COL22A1: variants seen among roughly 807,000 people sequenced by gnomAD.
The protein encoded by COL22A1 is collagen type XXII alpha 1 chain, also known as collagen alpha-1(XXII) chain.
COL22A1 carries 221 observed loss-of-function variants against 248.9 expected under a neutral mutation model. That is an observed-to-expected ratio of 0.89 (90% CI 0.80 to 0.99). The LOEUF is 0.99. COL22A1 is among the 50% of genes least tolerant of loss of function. The pLI is 0.00. For missense variants in COL22A1, 2,240 were observed against 2,179.0 expected (o/e 1.03, Z -0.56); for synonymous variants, 891 against 793.4 (o/e 1.12, Z -2.07).
chr8:138,849,926 T>C (rs1283411258), intron 3 of COL22A1, among the ~76,000 whole-genome samples: 1 of 152,200 alleles, frequency 6.6e-6, no homozygotes, highest in Non-Finnish European at 1.5e-5. Flanking sequence ...TCGCTGTGTG[T>C]AATGTCAGCA....
At chr8:138,865,932 T>C (rs963587379) in intron 3 of COL22A1, among the ~76,000 whole-genome samples, 3 of 151,186 alleles carry the variant, frequency 2.0e-5, no homozygotes, top group Non-Finnish European at 2.9e-5. Context: ...TATATGTGTG[T>C]GTATGTTTGT....
intron 37 of COL22A1, among the ~76,000 whole-genome samples, chr8:138,686,157 GT>G (rs898191910): frequency 6.6e-6 from 1 of 152,182 alleles, no homozygotes; most frequent in Middle Eastern, 3.2e-3. Flanking sequence ...TTACAGTTAG[GT>G]TTTCAACTAT....
chr8:138,870,852 G>A (rs1586931038), intron 3 of COL22A1, among the ~76,000 whole-genome samples: 1 of 151,674 alleles, frequency 6.6e-6, no homozygotes, highest in East Asian at 1.9e-4. Flanking sequence ...TGTATGTGAG[G>A]GTGTGGTTTG....
At chr8:138,798,454 G>A (rs1816737458) in intron 11 of COL22A1, among the ~76,000 whole-genome samples, 1 of 151,646 alleles carries the variant, frequency 6.6e-6, no homozygotes, top group South Asian at 2.1e-4. Context: ...TTTCTTAGAG[G>A]GTGCTCTAGA....
At chr8:138,800,417 T>G (rs28684932) in intron 11 of COL22A1, among the ~76,000 whole-genome samples, 9 of 152,186 alleles carry the variant, frequency 5.9e-5, no homozygotes, top group South Asian at 2.1e-4. Context: ...ATTATCTTTT[T>G]GGGGGGAGTA....
Position 138,878,117 on chromosome 8 carries a change from C to T in COL22A1, c.291G>A (p.Ser97=), listed in dbSNP as rs372772795. The change falls in exon 3 of 65, where the codon TCG becomes TCA. Residue 97 remains serine, a synonymous_variant. Coordinates refer to ENST00000303045, the MANE Select transcript of COL22A1 (RefSeq NM_152888.3). ...TTAFELGLFG[S]QEEVKAAARR... is the part of the protein sequence containing the mutation. ...GGGCAGCCGCCTTGACCTCCTCCTG[C>T]GAGCCAAAGAGTCCCAACTCGAAGG... 1,772 of 1,604,500 alleles carry T rather than the reference C, an allele frequency of 1.1e-3. 1 individual carries two copies. Among genetic ancestry groups the T allele is most frequent in the Non-Finnish European group, 1.4e-3 (1,681 of 1,176,378 alleles).
At chr8:138,763,278 T>C (rs1833646039) in intron 16 of COL22A1, among the ~76,000 whole-genome samples, 2 of 152,118 alleles carry the variant, frequency 1.3e-5, no homozygotes, top group East Asian at 1.9e-4. Flanking sequence ...TCCCAACTAC[T>C]TGGGAGGCTG....
At chr8:138,700,988 C>CAAAAA (rs5895554) in intron 31 of COL22A1, among the ~76,000 whole-genome samples, 14 of 54,694 alleles carry the variant, frequency 2.6e-4, no homozygotes, top group Non-Finnish European at 3.4e-4. Flanking sequence ...GACTCCGTCT[C>CAAAAA]AAAAAAAAAA....
rs372772795 is a variant in COL22A1, at chr8:138,878,117, C to A, written c.291G>T (p.Ser97=). Residue 97 remains serine, a synonymous_variant, in exon 3 of 65, where the codon TCG becomes TCT. Coordinates refer to ENST00000303045, the MANE Select transcript of COL22A1 (RefSeq NM_152888.3). ...GGGCAGCCGCCTTGACCTCCTCCTGCGAGCCAAAGAGTCCCAACTCGAAGG... is the reference window on the plus strand; with the variant it reads ...GGGCAGCCGCCTTGACCTCCTCCTGAGAGCCAAAGAGTCCCAACTCGAAGG... ...TTAFELGLFG[S]QEEVKAAARR... is the part of the protein sequence containing the mutation. 1 of 1,604,500 alleles carries A rather than the reference C, an allele frequency of 6.2e-7. No homozygotes were observed. Among genetic ancestry groups the A allele is most frequent in the South Asian group, 1.1e-5 (1 of 88,972 alleles).
chr8:138,821,849 A>G (rs1422851671), intron 6 of COL22A1, among the ~76,000 whole-genome samples: 1 of 152,104 alleles, frequency 6.6e-6, no homozygotes, highest in East Asian at 1.9e-4. Context: ...AACCAAAAAT[A>G]TCTTCAGGCC....
At position 138,737,553 on chromosome 8, in the gene COL22A1, G is replaced by A. The variant is rs369764152; in HGVS notation, c.2110C>T (p.Pro704Ser). The A allele has an allele frequency of 3.5e-5, 57 of 1,611,924 alleles. No homozygotes were observed. The highest frequency in any genetic ancestry group is 4.6e-5 in the Non-Finnish European group (54 of 1,178,236). The change falls in exon 23 of 65, where the codon CCT (proline) becomes TCT (serine). Residue 704 changes from proline (P) to serine (S), a missense_variant. Coordinates refer to ENST00000303045, the MANE Select transcript of COL22A1 (RefSeq NM_152888.3). ...AGCCCCAGCAATCCAGGGATTCCAG[G>A]TGGTCCCATGTCACCTTTCTTCCCC... ...LRGKKGDMGP[P>S]GIPGLLGLQG...
At chr8:138,639,388 A>C (rs920088335) in intron 47 of COL22A1, among the ~76,000 whole-genome samples, 1 of 152,220 alleles carries the variant, frequency 6.6e-6, no homozygotes. Flanking sequence ...TGTCAAGTGC[A>C]CTGGATTTAT....
At chr8:138,705,445 C>T (rs1414618651) in intron 30 of COL22A1, among the ~76,000 whole-genome samples, 1 of 152,174 alleles carries the variant, frequency 6.6e-6, no homozygotes, top group African/African-American at 2.4e-5. Context: ...AGCAGAAACT[C>T]TACAAGCCAG....
chr8:138,778,351 A>G lies in COL22A1; in HGVS notation c.1758+2T>C, dbSNP rs1814662872. Reference sequence around the variant, plus strand: ...CCTGCCCAGACAAGTGCCTTCACTTACAGGAGCTCCGACACGTCCAGGAGG... The same window carrying G: ...CCTGCCCAGACAAGTGCCTTCACTTGCAGGAGCTCCGACACGTCCAGGAGG... On this transcript the variant is annotated splice_donor_variant, in intron 15 of 64. Coordinates refer to ENST00000303045, the MANE Select transcript of COL22A1 (RefSeq NM_152888.3). LOFTEE classifies it high-confidence loss of function. 1 of 1,613,898 alleles carries G rather than the reference A, an allele frequency of 6.2e-7. No homozygotes were observed. The highest frequency in any genetic ancestry group is 1.7e-5 in the Admixed American group (1 of 59,986).
intron 41 of COL22A1, among the ~76,000 whole-genome samples, chr8:138,663,986 G>A (rs907244433): frequency 6.6e-5 from 10 of 151,702 alleles, no homozygotes; most frequent in African/African-American, 1.7e-4. Flanking sequence ...TCATCCCTGC[G>A]TGGCTCCTGA....
intron 12 of COL22A1, among the ~76,000 whole-genome samples, chr8:138,782,393 T>A (rs1815093294): frequency 6.6e-6 from 1 of 152,238 alleles, no homozygotes; most frequent in Non-Finnish European, 1.5e-5. Context: ...AATTTTTGTA[T>A]TTTTTGTACA....
chr8:138,878,149 TG>T lies in COL22A1; in HGVS notation c.258del (p.Thr87ProfsTer142). 6.2e-7 allele frequency: 1 copy of T among 1,605,738 alleles called. No homozygotes were observed. Among genetic ancestry groups the T allele is most frequent in the Non-Finnish European group, 8.5e-7 (1 of 1,176,928 alleles). On this transcript the variant is annotated frameshift_variant, in exon 3 of 65. Transcript: ENST00000303045. LOFTEE classifies it high-confidence loss of function. ...RVGVVRYSDR[P>X]TTAFELGLFG... The stretch of plus-strand genomic sequence containing the variant: ...AAGAGTCCCAACTCGAAGGCCGTGG[TG>T]GGCCGGTCGCTGTAGCGCACGACCC...
At chr8:138,882,987 A>C (rs1433984913) in intron 2 of COL22A1, 95 bp downstream of exon 2, 1 of 1,097,280 alleles carries the variant, frequency 9.1e-7, no homozygotes, top group Non-Finnish European at 1.3e-6. Context: ...TCAGTTGTGA[A>C]CTCACTTGCA....
At chr8:138,736,347 G>A (rs1831110445) in intron 23 of COL22A1, among the ~76,000 whole-genome samples, 1 of 152,012 alleles carries the variant, frequency 6.6e-6, no homozygotes, top group African/African-American at 2.4e-5. Context: ...CCGGCAGAGA[G>A]CTTCAGGGGC....
Sources: gnomAD v4.1 joint callset for allele counts (sites outside exome capture counted in the v4.1 genomes callset) on GRCh38, gnomAD v4.1.1 for gene constraint, MANE v1.5 for transcripts, NCBI Gene and HGNC (gene_info 2026-07-23, HGNC 2026-07-21) for gene names.